Variants in SCAF8 observed in about 807,000 individuals in gnomAD.
SCAF8 encodes the protein SR-related CTD associated factor 8.
In SCAF8, 23 loss-of-function variants were observed where a neutral mutation model predicts 140.5. That is an observed-to-expected ratio of 0.16 (90% CI 0.12 to 0.23). The LOEUF (loss-of-function observed/expected upper bound fraction) is 0.23, where lower values mean the gene tolerates loss of function less well. SCAF8 is among the 10% of genes least tolerant of loss of function. The probability of loss-of-function intolerance (pLI) is 1.00; values close to 1 mark genes in which losing one functional copy is unlikely to be tolerated. For missense variants in SCAF8, 1,397 were observed against 1,555.7 expected (o/e 0.90, Z 1.72); for synonymous variants, 575 against 528.9 (o/e 1.09, Z -1.20).
At chr6:154,764,277 CTT>C (rs61472336) in intron 1 of SCAF8, among the ~76,000 whole-genome samples, 7 of 141,722 alleles carry the variant, frequency 4.9e-5, no homozygotes, top group Admixed American at 7.0e-5. Context: ...ATTTTCTTTC[CTT>C]TTTTTTTTTT....
rs774730914 is a variant in SCAF8, at chr6:154,830,995, A to G, written c.2214A>G (p.Pro738=). The G allele has an allele frequency of 6.2e-7, 1 of 1,614,130 alleles. No individual in the cohort carries two copies. Among genetic ancestry groups the G allele is most frequent in the Non-Finnish European group, 8.5e-7 (1 of 1,179,982 alleles). Residue 738 remains proline, a synonymous_variant, in exon 19 of 20, where the codon CCA becomes CCG. Coordinates refer to ENST00000367178, the MANE Select transcript of SCAF8 (RefSeq NM_014892.5). ...KDVGFGSLVI[P]GGSVASNLAT... Reference sequence around the variant, plus strand: ...TTGGATTTGGTAGCCTTGTTATACCAGGCGGTTCTGTTGCCAGCAATCTTG... The same window carrying G: ...TTGGATTTGGTAGCCTTGTTATACCGGGCGGTTCTGTTGCCAGCAATCTTG...
chr6:154,830,164 C>T lies in SCAF8; in HGVS notation c.2141-758C>T, dbSNP rs538055785. On this transcript the variant is annotated intron_variant, in intron 18 of 19. Coordinates refer to ENST00000367178, the MANE Select transcript of SCAF8 (RefSeq NM_014892.5). ...ATTGCCTTTGCTGTCTCATTTAATT[C>T]TCTTAATTCTTGTGCATGACCACAG... Among the ~76,000 whole-genome samples, 4 of 152,258 alleles carry T rather than the reference C, an allele frequency of 2.6e-5. No homozygotes were observed. In the East Asian group the frequency reaches 5.8e-4, roughly 22 times the overall value.
At chr6:154,822,492 A>G in intron 16 of SCAF8, 83 bp downstream of exon 16, 2 of 1,324,994 alleles carry the variant, frequency 1.5e-6, no homozygotes, top group Non-Finnish European at 2.1e-6. Context: ...ATAAAACCGG[A>G]ATGAAAATCT....
At chr6:154,742,561 T>C (rs1778597860) in intron 1 of SCAF8, among the ~76,000 whole-genome samples, 1 of 152,224 alleles carries the variant, frequency 6.6e-6, no homozygotes, top group South Asian at 2.1e-4. Flanking sequence ...CTGTCTCATA[T>C]TTGATGGTAA....
chr6:154,792,444 T>C (rs1323923525), intron 4 of SCAF8, among the ~76,000 whole-genome samples: 3 of 152,186 alleles, frequency 2.0e-5, no homozygotes, highest in Non-Finnish European at 4.4e-5. Context: ...TGAGACAAAG[T>C]TAAAATCAAC....
chr6:154,808,540 T>C, intron 10 of SCAF8, 146 bp from the exon 11 acceptor site: 1 of 595,878 alleles, frequency 1.7e-6, no homozygotes, highest in Non-Finnish European at 3.0e-6. Flanking sequence ...CTTCTTCTAA[T>C]GGGGCCCAGG....
intron 6 of SCAF8, among the ~76,000 whole-genome samples, chr6:154,798,865 T>C (rs1777685042): frequency 6.6e-6 from 1 of 151,520 alleles, no homozygotes; most frequent in Non-Finnish European, 1.5e-5. Context: ...AGTGGTGCAG[T>C]TGTATTTCAC....
chr6:154,820,517 A>G (rs17085683), intron 15 of SCAF8, among the ~76,000 whole-genome samples, 184 bp downstream of exon 15: 1 of 152,198 alleles, frequency 6.6e-6, no homozygotes, highest in African/African-American at 2.4e-5. Context: ...ATGTCAAAGT[A>G]TAGATTAGAA....
intron 2 of SCAF8, among the ~76,000 whole-genome samples, 168 bp downstream of exon 2, chr6:154,774,240 C>T (rs979222991): frequency 6.6e-6 from 1 of 152,120 alleles, no homozygotes; most frequent in Non-Finnish European, 1.5e-5. Context: ...ACTCTCCCAC[C>T]TAGAGATAAA....
intron 1 of SCAF8, among the ~76,000 whole-genome samples, chr6:154,755,293 G>T (rs541265480): frequency 6.6e-6 from 1 of 151,902 alleles, no homozygotes; most frequent in Non-Finnish European, 1.5e-5. Context: ...TTGCTCTGTC[G>T]CCCACACTGG....
At chr6:154,749,464 C>T (rs557003104) in intron 1 of SCAF8, among the ~76,000 whole-genome samples, 69 of 152,220 alleles carry the variant, frequency 4.5e-4, no homozygotes, top group Middle Eastern at 3.4e-3. Context: ...ACATTAGATA[C>T]CTACACAGCC....
At chr6:154,758,408 T>C (rs899224454) in intron 1 of SCAF8, among the ~76,000 whole-genome samples, 3 of 152,194 alleles carry the variant, frequency 2.0e-5, no homozygotes, top group Non-Finnish European at 1.5e-5. Context: ...GCGCACAGCA[T>C]ACTTTCCACT....
At position 154,833,245 on chromosome 6, in the gene SCAF8, T is replaced by C. The variant is rs1198412729; in HGVS notation, c.3666T>C (p.His1222=). The part of the protein sequence containing the change: ...PQVNGENTER[H]AQPPPIPVQN... ...TTAATGGTGAAAATACAGAGAGACA[T>C]GCTCAGCCACCACCTATACCAGTAC... Residue 1222 remains histidine, a synonymous_variant, in exon 20 of 20, where the codon CAT becomes CAC. Transcript: ENST00000367178. The C allele has an allele frequency of 6.2e-7, 1 of 1,613,930 alleles. No homozygotes were observed. Among genetic ancestry groups the C allele is most frequent in the East Asian group, 2.2e-5 (1 of 44,846 alleles).
At position 154,824,298 on chromosome 6, in the gene SCAF8, C is replaced by T. The variant is rs1427375137; in HGVS notation, c.1991C>T (p.Pro664Leu). 2 of 1,613,810 alleles carry T rather than the reference C, an allele frequency of 1.2e-6. No individual in the cohort carries two copies. The highest frequency in any genetic ancestry group is 1.7e-6 in the Non-Finnish European group (2 of 1,179,834). ...LVPPAFPVSMPVPPPGFSPIP... is the reference protein window; with the variant it reads ...LVPPAFPVSMLVPPPGFSPIP... Reference sequence around the variant, plus strand: ...CCACCAGCATTTCCTGTGTCGATGCCGGTTCCTCCTCCTGGATTCAGTCCA... The same window carrying T: ...CCACCAGCATTTCCTGTGTCGATGCTGGTTCCTCCTCCTGGATTCAGTCCA... Residue 664 changes from proline (P) to leucine (L), a missense_variant, in exon 17 of 20, where the codon CCG (proline) becomes CTG (leucine). Coordinates refer to ENST00000367178, the MANE Select transcript of SCAF8 (RefSeq NM_014892.5).
At chr6:154,790,488 A>ATTT in intron 4 of SCAF8, among the ~76,000 whole-genome samples, 1 of 119,988 alleles carries the variant, frequency 8.3e-6, no homozygotes, top group South Asian at 2.5e-4. Context: ...CATTTAACAG[A>ATTT]ATTTTTTTTT....
At chr6:154,793,903 G>GTGTGTGTGTGTGTA (rs763058594) in intron 5 of SCAF8, among the ~76,000 whole-genome samples, 5 of 110,602 alleles carry the variant, frequency 4.5e-5, no homozygotes, top group African/African-American at 2.4e-4. Context: ...TATGTATTTT[G>GTGTGTGTGTGTGTA]TGTGTGTGTG....
At chr6:154,790,877 G>A (rs1258360524) in intron 4 of SCAF8, among the ~76,000 whole-genome samples, 1 of 152,062 alleles carries the variant, frequency 6.6e-6, no homozygotes, top group Non-Finnish European at 1.5e-5. Context: ...CATCACGATA[G>A]TAGTAACTAG....
intron 1 of SCAF8, among the ~76,000 whole-genome samples, chr6:154,749,880 G>C (rs946365315): frequency 1.3e-5 from 2 of 152,212 alleles, no homozygotes; most frequent in African/African-American, 4.8e-5. Flanking sequence ...GATGAGTTTG[G>C]GATAGGAAGG....
At position 154,783,897 on chromosome 6, in the gene SCAF8, C is replaced by T. The variant is rs141808643; in HGVS notation, c.160-3964C>T. 3.6e-3 allele frequency among the ~76,000 whole-genome samples: 540 copies of T among 151,580 alleles called. 3 individuals are homozygous for T. The highest frequency in any genetic ancestry group is 0.012 in the African/African-American group (516 of 41,362). Reference sequence around the variant, plus strand: ...CCAGCCTGGCCAAAATGGTGAAATCCCGTCTCTACTAATACAAAAATTAGG... The same window carrying T: ...CCAGCCTGGCCAAAATGGTGAAATCTCGTCTCTACTAATACAAAAATTAGG... On this transcript the variant is annotated intron_variant, in intron 3 of 19. Coordinates refer to ENST00000367178, the MANE Select transcript of SCAF8 (RefSeq NM_014892.5).
Sources: allele counts gnomAD v4.1 joint callset (sites outside exome capture counted in the v4.1 genomes callset), GRCh38; gene constraint gnomAD v4.1.1; transcripts MANE v1.5; gene names NCBI Gene and HGNC (gene_info 2026-07-23, HGNC 2026-07-21).